Variants in TXNL1 observed in about 807,000 individuals in gnomAD.
TXNL1 encodes the protein thioredoxin like 1, also known as thioredoxin-like protein 1.
A neutral mutation model predicts 35.5 loss-of-function variants in TXNL1; 14 were observed. The observed-to-expected ratio is 0.39, with a 90% confidence interval of 0.26 to 0.62. The LOEUF is 0.62. TXNL1 is among the 20% of genes least tolerant of loss of function. TXNL1 has a pLI of 0.47. For missense variants in TXNL1, 263 were observed against 349.7 expected, an observed-to-expected ratio of 0.75 and a Z score of 1.98; for synonymous variants, 110 against 115.5, an observed-to-expected ratio of 0.95 and a Z score of 0.31.
At chr18:56,614,184 C>T (rs893490271) in intron 6 of TXNL1, among the ~76,000 whole-genome samples, 7 of 152,158 alleles carry the variant, frequency 4.6e-5, no homozygotes, top group Admixed American at 1.3e-4. Context: ...TCCAGCAAAA[C>T]TTACCATATA....
At chr18:56,610,731 T>G in intron 7 of TXNL1, 1 of 205,394 alleles carries the variant, frequency 4.9e-6, no homozygotes, top group Admixed American at 6.0e-5. Flanking sequence ...ACCAAGCCAT[T>G]ATTTTTACCC....
chr18:56,624,359 C>T lies in TXNL1; in HGVS notation c.298G>A (p.Glu100Lys). Residue 100 changes from glutamate to lysine, a missense_variant, in exon 3 of 8, where the codon GAA (glutamate) becomes AAA (lysine). By Grantham distance (56) the Glu-to-Lys change is moderately conservative. Coordinates refer to ENST00000217515, the MANE Select transcript of TXNL1 (RefSeq NM_004786.3). ...TCTAAGTGCTGCTTGATTTTTTCTT[C>T]TAATCCCACAGCATCTGCTCCTTGA... Reference protein sequence around the residue: ...QYQGADAVGLEEKIKQHLEND... With the variant: ...QYQGADAVGLKEKIKQHLEND... 3 of 1,613,788 alleles carry T rather than the reference C, an allele frequency of 1.9e-6. No individual in the cohort carries two copies. Among genetic ancestry groups the T allele is most frequent in the Non-Finnish European group, 2.5e-6 (3 of 1,179,828 alleles).
intron 5 of TXNL1, 125 bp from the exon 6 acceptor site, chr18:56,614,721 A>AG: frequency 7.8e-6 from 6 of 766,160 alleles, no homozygotes; most frequent in Non-Finnish European, 1.2e-5. Context: ...AAATAACTCC[A>AG]TTATTAGAAC....
At chr18:56,609,405 G>A (rs1004027641) in intron 7 of TXNL1, 8 of 152,172 alleles carry the variant, frequency 5.3e-5, no homozygotes, top group African/African-American at 1.4e-4. Flanking sequence ...TGTTAAACAC[G>A]AGGTGGAGGC....
At chr18:56,606,303 G>A (rs2023891925) in intron 7 of TXNL1, among the ~76,000 whole-genome samples, 1 of 150,794 alleles carries the variant, frequency 6.6e-6, no homozygotes, top group African/African-American at 2.4e-5. Context: ...GGTAAACTCG[G>A]GAGGCAGAGC....
chr18:56,619,439 G>A (rs1296039305), intron 3 of TXNL1, among the ~76,000 whole-genome samples: 3 of 149,368 alleles, frequency 2.0e-5, no homozygotes, highest in Non-Finnish European at 4.4e-5. Flanking sequence ...TCGGGAAGCT[G>A]AGGCAGGAGA....
chr18:56,603,279 C>T (rs62099740), intron 7 of TXNL1, among the ~76,000 whole-genome samples: 1 of 112,688 alleles, frequency 8.9e-6, no homozygotes, highest in African/African-American at 2.7e-5. Flanking sequence ...TGGTTTCACA[C>T]AGTTTTTTTT....
chr18:56,609,269 A>C (rs1478827760), intron 7 of TXNL1: 1 of 152,190 alleles, frequency 6.6e-6, no homozygotes, highest in Non-Finnish European at 1.5e-5. Context: ...GGCTGTTATA[A>C]AACAAGCACA....
In TXNL1 at chr18:56,601,923, C is replaced by T. The variant is rs1418947039; in HGVS notation, c.*1104G>A. On this transcript the variant is annotated 3_prime_UTR_variant, in exon 8 of 8. Coordinates refer to ENST00000217515, the MANE Select transcript of TXNL1 (RefSeq NM_004786.3). ...CTTTTAAACATTTCTATTTGAGCAC[C>T]TCATTTTCAACCTTAAATCATGTTC... The T allele has an allele frequency of 2.6e-5, 4 of 152,160 alleles. No homozygotes were observed. In the East Asian group the frequency reaches 5.8e-4, roughly 22 times the overall value. The allele number at this position is 152,160 out of a possible 1,614,324, so 9.4% of individuals were successfully genotyped here.
At chr18:56,616,789 G>A (rs555424075) in intron 4 of TXNL1, among the ~76,000 whole-genome samples, 1 of 152,096 alleles carries the variant, frequency 6.6e-6, no homozygotes, top group Non-Finnish European at 1.5e-5. Context: ...AAGAGAATAG[G>A]GTTCTTATAG....
Position 56,602,736 on chromosome 18 carries a change from C to G in TXNL1, c.*291G>C, listed in dbSNP as rs1477323946. On this transcript the variant is annotated 3_prime_UTR_variant, in exon 8 of 8. Coordinates refer to ENST00000217515, the MANE Select transcript of TXNL1 (RefSeq NM_004786.3). The stretch of plus-strand genomic sequence containing the variant: ...AACTGGCTTTCAATCAATATACTAC[C>G]AGACACTTAAGTCTCTACTAAAATC... 2.0e-6 allele frequency: 1 copy of G among 492,472 alleles called. No homozygotes were observed. Among genetic ancestry groups the G allele is most frequent in the Non-Finnish European group, 3.6e-6 (1 of 278,852 alleles). 30.5% of individuals were successfully genotyped at this position (492,472 alleles called of 1,614,324 possible).
intron 1 of TXNL1, among the ~76,000 whole-genome samples, chr18:56,632,245 C>G (rs1598924936): frequency 6.6e-6 from 1 of 152,302 alleles, no homozygotes; most frequent in East Asian, 1.9e-4. Flanking sequence ...TCAATATACA[C>G]AACTGGTAAG....
chr18:56,603,046 T>C lies in TXNL1; in HGVS notation c.851A>G (p.Lys284Arg), dbSNP rs766992267. 24 of 1,613,794 alleles carry C rather than the reference T, an allele frequency of 1.5e-5. 1 individual carries two copies. In the East Asian group the frequency reaches 5.1e-4, roughly 34 times the overall value. The stretch of plus-strand genomic sequence containing the variant: ...TGTACCTTAGTGGCTTTCTCCTTTT[T>C]TGCCAACTACCTAGAAAAACAAAAA... ...NMNDFKRVVGKKGESH is the reference protein window; with the variant it reads ...NMNDFKRVVGRKGESH The change falls in exon 8 of 8, where the codon AAA becomes AGA. Residue 284 changes from lysine to arginine, a missense_variant. Coordinates refer to ENST00000217515, the MANE Select transcript of TXNL1 (RefSeq NM_004786.3).
intron 7 of TXNL1, among the ~76,000 whole-genome samples, chr18:56,607,160 T>TG (rs1266495753): frequency 2.1e-4 from 17 of 80,826 alleles, no homozygotes; most frequent in Non-Finnish European, 3.9e-4. Context: ...CCTGGGTAAT[T>TG]TTGTGTGTGT....
At chr18:56,624,683 T>C (rs1376573415) in intron 2 of TXNL1, among the ~76,000 whole-genome samples, 2 of 152,146 alleles carry the variant, frequency 1.3e-5, no homozygotes, top group Non-Finnish European at 1.5e-5. Flanking sequence ...ATTCCCCATG[T>C]TTTTATCATT....
At chr18:56,634,854 A>C (rs1285100383) in intron 1 of TXNL1, among the ~76,000 whole-genome samples, 1 of 152,236 alleles carries the variant, frequency 6.6e-6, no homozygotes, top group Non-Finnish European at 1.5e-5. Context: ...GGACACCATC[A>C]AGAAAAAGAC....
chr18:56,612,561 A>G (rs1471186425), intron 6 of TXNL1, among the ~76,000 whole-genome samples: 1 of 152,010 alleles, frequency 6.6e-6, no homozygotes, highest in Non-Finnish European at 1.5e-5. Flanking sequence ...CTTTTTTGAG[A>G]CAAGGTCTCA....
rs77852824 is a variant in TXNL1 at position 56,599,897 on chromosome 18, T to C, written c.*3130A>G. On this transcript the variant is annotated 3_prime_UTR_variant, in exon 8 of 8. Transcript: ENST00000217515. ...TAAGTTACTTATCTTAAAAAAAAAA[T>C]AGTCTAAGATTACAAATTATCAGTT... 4 of 151,892 alleles carry C rather than the reference T, an allele frequency of 2.6e-5. No homozygotes were observed. The highest frequency in any genetic ancestry group is 2.0e-4 in the Admixed American group (3 of 15,240). The allele number at this position is 151,892 out of a possible 1,614,324, so 9.4% of individuals were successfully genotyped here. A position where few individuals can be genotyped will look rare whatever the true frequency, so the allele number is the denominator to read the frequency against.
intron 1 of TXNL1, among the ~76,000 whole-genome samples, chr18:56,630,576 T>C (rs1461026253): frequency 6.6e-6 from 1 of 152,236 alleles, no homozygotes; most frequent in African/African-American, 2.4e-5. Context: ...CTAGGAATAA[T>C]CACACATGAA....
Sources: gnomAD v4.1 joint callset for allele counts (sites outside exome capture counted in the v4.1 genomes callset) on GRCh38, gnomAD v4.1.1 for gene constraint, MANE v1.5 for transcripts, NCBI Gene and HGNC (gene_info 2026-07-23, HGNC 2026-07-21) for gene names.